MTCL1: variants seen among roughly 807,000 people sequenced by gnomAD.
The protein encoded by MTCL1 is microtubule cross-linking factor 1.
Under a neutral mutation model 141.4 loss-of-function variants are expected in MTCL1, and 79 were observed. That is an observed-to-expected ratio of 0.56 (90% CI 0.47 to 0.67). MTCL1 has a LOEUF of 0.67. Ranked by LOEUF, MTCL1 falls within the 30% of genes least tolerant of loss-of-function variation. The probability of loss-of-function intolerance (pLI) is 0.00; values close to 1 mark genes in which losing one functional copy is unlikely to be tolerated. For missense variants in MTCL1, 2,177 were observed against 2,113.9 expected (o/e 1.03, Z -0.59); for synonymous variants, 914 against 875.8 (o/e 1.04, Z -0.77).
intron 2 of MTCL1, 74 bp from the exon 2 acceptor site, chr18:8,718,350 G>T: frequency 7.2e-7 from 1 of 1,380,608 alleles, no homozygotes. Context: ...ATTGAGGAGC[G>T]GGTATGAAGG....
At chr18:8,775,551 C>A (rs1364561886) in intron 4 of MTCL1, among the ~76,000 whole-genome samples, 1 of 151,590 alleles carries the variant, frequency 6.6e-6, no homozygotes, top group Non-Finnish European at 1.5e-5. Flanking sequence ...CCAGCCTGGG[C>A]GACAGAGAAA....
At chr18:8,784,672 G>C in exon 6 of MTCL1, 1 of 1,614,176 alleles carries the variant, frequency 6.2e-7, no homozygotes, top group Non-Finnish European at 8.5e-7. Context: ...CCAAGATGAA[G>C]GCTTTCAAGA....
At chr18:8,727,995 C>T (rs2148850072) in intron 4 of MTCL1, among the ~76,000 whole-genome samples, 1 of 151,374 alleles carries the variant, frequency 6.6e-6, no homozygotes, top group African/African-American at 2.4e-5. Flanking sequence ...AATGATCACT[C>T]ACATGTTTAA....
At chr18:8,726,865 T>A (rs1031164214) in intron 4 of MTCL1, among the ~76,000 whole-genome samples, 7 of 152,170 alleles carry the variant, frequency 4.6e-5, no homozygotes, top group African/African-American at 1.7e-4. Flanking sequence ...TGCATAATAG[T>A]GAGGTTTGGG....
intron 4 of MTCL1, among the ~76,000 whole-genome samples, chr18:8,770,213 C>A (rs892550462): frequency 2.0e-5 from 3 of 152,168 alleles, no homozygotes; most frequent in African/African-American, 7.2e-5. Flanking sequence ...TGAAACATTA[C>A]CCAACTTTTG....
chr18:8,760,644 A>G (rs1466514760), intron 4 of MTCL1, among the ~76,000 whole-genome samples: 2 of 152,012 alleles, frequency 1.3e-5, no homozygotes, highest in Admixed American at 1.3e-4. Flanking sequence ...ATTATTTCCA[A>G]CTTTCTTTAC....
At chr18:8,751,468 A>G (rs1367218788) in intron 4 of MTCL1, among the ~76,000 whole-genome samples, 1 of 152,224 alleles carries the variant, frequency 6.6e-6, no homozygotes, top group Admixed American at 6.5e-5. Context: ...CTTCCAGAAT[A>G]GAATGGTATT....
At chr18:8,767,580 G>A (rs952784741) in intron 4 of MTCL1, among the ~76,000 whole-genome samples, 2 of 152,158 alleles carry the variant, frequency 1.3e-5, no homozygotes, top group South Asian at 2.1e-4. Flanking sequence ...CTGCCTGGGG[G>A]TTAATCCTGC....
At position 8,774,032 on chromosome 18, in the gene MTCL1, C is replaced by T. The variant is rs567088004; in HGVS notation, c.358-3801C>T. Among the ~76,000 whole-genome samples, 16 of 152,122 alleles carry T rather than the reference C, an allele frequency of 1.1e-4. No homozygotes were observed. The South Asian group carries it at 2.3e-3, about 22-fold the overall frequency. ...CAAAGTAGTTTGAGGCTTTGCAGGCCCCAACAGTTTGTCACTAGTGCTCTA... is the reference window on the plus strand; with the variant it reads ...CAAAGTAGTTTGAGGCTTTGCAGGCTCCAACAGTTTGTCACTAGTGCTCTA... On this transcript the variant is annotated intron_variant, in intron 4 of 16. Transcript: ENST00000359865.
At chr18:8,785,646 GT>G (rs2096550419) in intron 6 of MTCL1, 1 of 411,590 alleles carries the variant, frequency 2.4e-6, no homozygotes, top group Non-Finnish European at 4.4e-6. Context: ...CATGTGCCCC[GT>G]AACCAGTGTT....
intron 1 of MTCL1, among the ~76,000 whole-genome samples, chr18:8,707,899 T>C (rs79406416): frequency 2.0e-5 from 3 of 152,210 alleles, no homozygotes; most frequent in East Asian, 1.9e-4. Context: ...AAATTTCTTA[T>C]GGAGCTGCTC....
intron 16 of MTCL1, chr18:8,829,052 G>C: frequency 6.2e-7 from 1 of 1,606,536 alleles, no homozygotes; most frequent in Non-Finnish European, 8.5e-7. Context: ...TCACCTGAGG[G>C]AGTTCTGCCC....
At chr18:8,780,943 G>T (rs2096530478) in intron 5 of MTCL1, among the ~76,000 whole-genome samples, 1 of 152,212 alleles carries the variant, frequency 6.6e-6, no homozygotes, top group Non-Finnish European at 1.5e-5. Context: ...TGAGGTGGTG[G>T]ATCATCTGAG....
intron 11 of MTCL1, chr18:8,809,606 A>G (rs1478469283): frequency 5.2e-6 from 8 of 1,534,588 alleles, no homozygotes; most frequent in Non-Finnish European, 7.0e-6. Context: ...GTGGAGAAGG[A>G]GTGGAGGGCA....
intron 11 of MTCL1, among the ~76,000 whole-genome samples, chr18:8,811,819 G>C (rs1816929868): frequency 6.6e-6 from 1 of 152,164 alleles, no homozygotes; most frequent in African/African-American, 2.4e-5. Context: ...CCTTTGAAAA[G>C]TATACAATTT....
chr18:8,706,957 G>A (rs1490070939), intron 1 of MTCL1: 3 of 566,050 alleles, frequency 5.3e-6, no homozygotes, highest in Middle Eastern at 4.9e-4. Flanking sequence ...GAACTCTTGC[G>A]TCTCTTCGCT....
intron 4 of MTCL1, 25 bp from the exon 4 acceptor site, chr18:8,777,808 A>G (rs1230625568): frequency 1.2e-6 from 2 of 1,612,762 alleles, no homozygotes; most frequent in African/African-American, 2.7e-5. Context: ...CCTTGGTCAC[A>G]GAATGTCACT....
At chr18:8,717,940 C>A (rs1444263822) in exon 2 of MTCL1, 1 of 997,460 alleles carries the variant, frequency 1.0e-6, no homozygotes, top group Non-Finnish European at 1.2e-6. Context: ...TCTTGTGGAA[C>A]AGAATTTTTG....
rs547072061 is a variant in MTCL1 at position 8,791,874 on chromosome 18, T to C, written c.1888-1124T>C. Among the ~76,000 whole-genome samples the C allele has an allele frequency of 3.1e-4, 43 of 140,016 alleles. No individual in the cohort carries two copies. In the South Asian group the frequency reaches 9.0e-3, roughly 29 times the overall value. The allele number at this position is 140,016 out of a possible 152,430, so 91.9% of individuals were successfully genotyped here. On this transcript the variant is annotated intron_variant, in intron 7 of 16. Transcript: ENST00000359865. ...TTTAAATCTCTAGCTTTCAAAGTTT[T>C]ATGCTGAACTTGGTGAATCCCCAGT...
Sources: allele counts gnomAD v4.1 joint callset (sites outside exome capture counted in the v4.1 genomes callset), GRCh38; gene constraint gnomAD v4.1.1; transcripts MANE v1.5; gene names NCBI Gene and HGNC (gene_info 2026-07-23, HGNC 2026-07-21).